The following OTOA variants were observed in gnomAD, a reference collection of about 807,000 sequenced individuals.
OTOA encodes the protein cancer/testis antigen 108.
In OTOA, 70 loss-of-function variants were observed where a neutral mutation model predicts 110.8. The ratio of observed to expected loss-of-function variants is 0.63; its 90% CI spans 0.52 to 0.77. The LOEUF (loss-of-function observed/expected upper bound fraction) is 0.77, where lower values mean the gene tolerates loss of function less well. Among genes scored for constraint, OTOA ranks in the 30% least tolerant of loss-of-function variants. The pLI is 0.00. For synonymous variants in OTOA, 373 were observed against 431.5 expected (o/e 0.86, Z 1.68); for missense variants, 917 against 1,075.8 (o/e 0.85, Z 2.06).
At chr16:21,714,227 C>T (rs1898446055) in intron 13 of OTOA, among the ~76,000 whole-genome samples, 1 of 148,206 alleles carries the variant, frequency 6.7e-6, no homozygotes, top group Non-Finnish European at 1.5e-5. Context: ...CTCTCTCTCT[C>T]TTTCTTTCTT....
intron 1 of OTOA, among the ~76,000 whole-genome samples, chr16:21,673,571 T>C (rs886363876): frequency 1.5e-4 from 23 of 152,204 alleles, no homozygotes; most frequent in Admixed American, 1.4e-3. Flanking sequence ...CTTTCAGTGA[T>C]TGGCTTTCTT....
intron 2 of OTOA, 45 bp from the exon 3 acceptor site, chr16:21,678,870 T>A (rs369994436): frequency 2.1e-5 from 33 of 1,605,068 alleles, no homozygotes; most frequent in Non-Finnish European, 2.7e-5. Context: ...GTTTTGAAGG[T>A]CACACAATTC....
intron 1 of OTOA, among the ~76,000 whole-genome samples, chr16:21,671,265 G>A (rs1476483369): frequency 2.6e-5 from 4 of 151,918 alleles, no homozygotes; most frequent in Non-Finnish European, 5.9e-5. Flanking sequence ...TTTTACAGAC[G>A]AGAAAATTGG....
Position 21,736,258 on chromosome 16 carries a change from C to T in OTOA, c.2302-3C>T. On this transcript the variant is annotated splice_polypyrimidine_tract_variant and splice_region_variant and intron_variant, in intron 21 of 28. Transcript: ENST00000646100. Reference sequence around the variant, plus strand: ...TCCTCTTCTTTCATCTTCTTTCACACAGTTTCCTGAGATCCTTCTGCAAGC... The same window carrying T: ...TCCTCTTCTTTCATCTTCTTTCACATAGTTTCCTGAGATCCTTCTGCAAGC... 1 of 1,611,598 alleles carries T rather than the reference C, an allele frequency of 6.2e-7. No homozygotes were observed. Among genetic ancestry groups the T allele is most frequent in the Non-Finnish European group, 8.5e-7 (1 of 1,177,790 alleles).
At chr16:21,693,245 T>G (rs1005624391) in intron 9 of OTOA, among the ~76,000 whole-genome samples, 1 of 152,126 alleles carries the variant, frequency 6.6e-6, no homozygotes, top group African/African-American at 2.4e-5. Flanking sequence ...GCCTGAGTGA[T>G]GTAGTGAGAC....
intron 10 of OTOA, among the ~76,000 whole-genome samples, chr16:21,698,221 TAA>T (rs1451222126): frequency 1.3e-5 from 2 of 152,186 alleles, no homozygotes; most frequent in Non-Finnish European, 2.9e-5. Context: ...ACAAAAGATA[TAA>T]AGTTTCCCAT....
intron 11 of OTOA, 81 bp downstream of exon 11, chr16:21,701,108 C>G: frequency 3.8e-6 from 6 of 1,593,114 alleles, no homozygotes; most frequent in Non-Finnish European, 5.1e-6. Context: ...AGCAAAACAC[C>G]CAGGGAGGGA....
chr16:21,685,528 T>G (rs1897697854), intron 7 of OTOA, among the ~76,000 whole-genome samples, 167 bp downstream of exon 7: 1 of 152,178 alleles, frequency 6.6e-6, no homozygotes, highest in Non-Finnish European at 1.5e-5. Context: ...GTTTTCTCAC[T>G]TACTTTCTCC....
At chr16:21,722,504 T>C (rs1898788106) in intron 17 of OTOA, among the ~76,000 whole-genome samples, 1 of 151,624 alleles carries the variant, frequency 6.6e-6, no homozygotes, top group Admixed American at 6.6e-5. Context: ...TAACTATATA[T>C]ATGCACATGC....
chr16:21,708,590 T>C (rs1265130962), intron 12 of OTOA, among the ~76,000 whole-genome samples: 1 of 152,180 alleles, frequency 6.6e-6, no homozygotes, highest in East Asian at 1.9e-4. Context: ...GAGCTGCCAC[T>C]GTAGTCCACC....
intron 22 of OTOA, among the ~76,000 whole-genome samples, chr16:21,738,721 G>A (rs1456392333): frequency 6.6e-6 from 1 of 152,390 alleles, no homozygotes; most frequent in South Asian, 2.1e-4. Context: ...GGGGTTTGGG[G>A]TTTATATGGG....
intron 13 of OTOA, 69 bp from the exon 14 acceptor site, chr16:21,714,916 G>A (rs995760735): frequency 6.3e-7 from 1 of 1,599,354 alleles, no homozygotes; most frequent in African/African-American, 1.3e-5. Context: ...GCACATAGAT[G>A]GGCTGAGTGC....
chr16:21,717,638 A>C (rs1346945116), intron 15 of OTOA, among the ~76,000 whole-genome samples: 1 of 152,208 alleles, frequency 6.6e-6, no homozygotes, highest in Non-Finnish European at 1.5e-5. Flanking sequence ...GTATTATTAA[A>C]TGCTGTGAGC....
At chr16:21,759,921 G>A (rs1439881620) in intron 28 of OTOA, among the ~76,000 whole-genome samples, 1 of 151,676 alleles carries the variant, frequency 6.6e-6, no homozygotes, top group Non-Finnish European at 1.5e-5. Flanking sequence ...TTTAATGGAT[G>A]TTGTCAAATC....
chr16:21,686,911 TA>T (rs961454880), intron 7 of OTOA, among the ~76,000 whole-genome samples: 8 of 151,904 alleles, frequency 5.3e-5, no homozygotes, highest in African/African-American at 1.9e-4. Context: ...AATAAAACTT[TA>T]AAAAAGCTCC....
chr16:21,711,769 T>A (rs941404475), intron 13 of OTOA, among the ~76,000 whole-genome samples: 2 of 152,112 alleles, frequency 1.3e-5, no homozygotes, highest in Admixed American at 1.3e-4. Context: ...GCCTGGCTTT[T>A]GGTGTCCTTC....
chr16:21,737,826 G>C (rs1240665435), intron 22 of OTOA, among the ~76,000 whole-genome samples: 313 of 152,216 alleles, frequency 2.1e-3, no homozygotes, highest in Admixed American at 3.3e-3. Flanking sequence ...CCAAGTGTTA[G>C]ATATTTTATT....
chr16:21,717,714 A>G (rs1898601367), intron 15 of OTOA, among the ~76,000 whole-genome samples: 1 of 152,112 alleles, frequency 6.6e-6, no homozygotes, highest in South Asian at 2.1e-4. Context: ...ATCGTTGACT[A>G]CCTTTGTATT....
At chr16:21,724,809 C>T (rs1437809255) in intron 18 of OTOA, among the ~76,000 whole-genome samples, 1 of 152,038 alleles carries the variant, frequency 6.6e-6, no homozygotes, top group Non-Finnish European at 1.5e-5. Context: ...CAGAGTCTCC[C>T]TCTGTCACCC....
Sources: allele counts gnomAD v4.1 joint callset (sites outside exome capture counted in the v4.1 genomes callset), GRCh38; gene constraint gnomAD v4.1.1; transcripts MANE v1.5; gene names NCBI Gene and HGNC (gene_info 2026-07-23, HGNC 2026-07-21).